The following SREK1IP1 variants were observed in gnomAD, a reference collection of about 807,000 sequenced individuals.
SREK1IP1 encodes protein SREK1IP1.
SREK1IP1 carries 12 observed loss-of-function variants against 22.8 expected under a neutral mutation model. That is an observed-to-expected ratio of 0.53 (90% CI 0.34 to 0.85). SREK1IP1 has a LOEUF of 0.85. Ranked by LOEUF, SREK1IP1 falls within the 40% of genes least tolerant of loss-of-function variation. SREK1IP1 has a pLI of 0.02. For synonymous variants in SREK1IP1, 53 were observed against 52.7 expected, an observed-to-expected ratio of 1.01 and a Z score of -0.02; for missense variants, 147 against 171.8, an observed-to-expected ratio of 0.86 and a Z score of 0.81.
At chr5:64,768,459 G>T in intron 1 of SREK1IP1, 46 bp downstream of exon 1, 4 of 1,613,766 alleles carry the variant, frequency 2.5e-6, no homozygotes, top group South Asian at 1.1e-5. Context: ...CCTCCCTTGC[G>T]CTCCCTTCGG....
At chr5:64,761,114 T>A (rs946282502) in intron 1 of SREK1IP1, among the ~76,000 whole-genome samples, 1 of 152,220 alleles carries the variant, frequency 6.6e-6, no homozygotes, top group Non-Finnish European at 1.5e-5. Flanking sequence ...TAATTCATGA[T>A]GTCAGAGTCT....
At position 64,721,405 on chromosome 5, in the gene SREK1IP1, A is replaced by T. The variant is rs1333854449; in HGVS notation, c.*2979T>A. ...TCAGCCTAGTTTACTCTGAAGGTAA[A>T]CTAGGGTTATATAATTTTAGATACA... On this transcript the variant is annotated 3_prime_UTR_variant, in exon 5 of 5. Transcript: ENST00000513458. 2 of 152,206 alleles carry T rather than the reference A, an allele frequency of 1.3e-5. No homozygotes were observed. The highest frequency in any genetic ancestry group is 2.9e-5 in the Non-Finnish European group (2 of 68,036). 9.4% of individuals were successfully genotyped at this position (152,206 alleles called of 1,614,324 possible). A position where few individuals can be genotyped will look rare whatever the true frequency, so the allele number is the denominator to read the frequency against.
rs1349829651 is a variant in SREK1IP1 at position 64,719,394 on chromosome 5, A to C, written c.*4990T>G. The C allele has an allele frequency of 1.3e-5, 2 of 152,208 alleles. No homozygotes were observed. The highest frequency in any genetic ancestry group is 4.8e-5 in the African/African-American group (2 of 41,444). 9.4% of individuals were successfully genotyped at this position (152,208 alleles called of 1,614,324 possible). A position where few individuals can be genotyped will look rare whatever the true frequency, so the allele number is the denominator to read the frequency against. ...TGAAAATTAAGACATTTCCATTATA[A>C]AAATGACATTTTACACGGCCATAAA... On this transcript the variant is annotated 3_prime_UTR_variant, in exon 5 of 5. Transcript: ENST00000513458.
At chr5:64,740,544 T>C (rs1014471539) in intron 3 of SREK1IP1, among the ~76,000 whole-genome samples, 13 of 152,220 alleles carry the variant, frequency 8.5e-5, no homozygotes, top group African/African-American at 2.7e-4. Context: ...GGGAGCTGTA[T>C]TGGCATGCCC....
At chr5:64,726,395 G>A (rs1218526643) in intron 4 of SREK1IP1, among the ~76,000 whole-genome samples, 4 of 151,660 alleles carry the variant, frequency 2.6e-5, no homozygotes, top group Non-Finnish European at 5.9e-5. Flanking sequence ...CTAACACGGT[G>A]AAACCCTGTC....
intron 1 of SREK1IP1, among the ~76,000 whole-genome samples, chr5:64,763,566 AG>A (rs200959695): frequency 0.011 from 1,613 of 152,136 alleles, 17 homozygotes; most frequent in Non-Finnish European, 0.016. Context: ...AAAAAAAAAT[AG>A]AAGAGACAGA....
rs1287587116 is a variant in SREK1IP1 at position 64,719,505 on chromosome 5, A to G, written c.*4879T>C. 6.6e-6 allele frequency: 1 copy of G among 152,202 alleles called. No homozygotes were observed. Among genetic ancestry groups the G allele is most frequent in the East Asian group, 1.9e-4 (1 of 5,188 alleles). The allele number at this position is 152,202 out of a possible 1,614,324, so 9.4% of individuals were successfully genotyped here. A position where few individuals can be genotyped will look rare whatever the true frequency, so the allele number is the denominator to read the frequency against. ...ATCTTTGATACAACTTTGATTTTAA[A>G]GTATCCCAGAAAATTTGCTATCTTT... On this transcript the variant is annotated 3_prime_UTR_variant, in exon 5 of 5. Coordinates refer to ENST00000513458, the MANE Select transcript of SREK1IP1 (RefSeq NM_173829.4).
intron 2 of SREK1IP1, among the ~76,000 whole-genome samples, chr5:64,747,596 TG>T (rs1276176175): frequency 6.6e-6 from 1 of 152,116 alleles, no homozygotes; most frequent in Non-Finnish European, 1.5e-5. Flanking sequence ...ATATTTCTAG[TG>T]GGAATGTAAA....
intron 3 of SREK1IP1, among the ~76,000 whole-genome samples, chr5:64,735,004 T>C (rs1308011648): frequency 6.7e-6 from 1 of 149,382 alleles, no homozygotes; most frequent in African/African-American, 2.6e-5. Context: ...TGGAAGGCCT[T>C]CAGTCTTTTA....
Position 64,743,726 on chromosome 5 carries a change from T to C in SREK1IP1, c.62-2526A>G, listed in dbSNP as rs529677129. Reference sequence around the variant, plus strand: ...TTTGCTATATATTTTGAGACATTAGTAAATGCTTTGAAGATCATTACTTTA... The same window carrying C: ...TTTGCTATATATTTTGAGACATTAGCAAATGCTTTGAAGATCATTACTTTA... On this transcript the variant is annotated intron_variant, in intron 2 of 4. Coordinates refer to ENST00000513458, the MANE Select transcript of SREK1IP1 (RefSeq NM_173829.4). 2.0e-5 allele frequency among the ~76,000 whole-genome samples: 3 copies of C among 152,342 alleles called. No homozygotes were observed. The South Asian group carries it at 6.2e-4, about 32-fold the overall frequency.
intron 2 of SREK1IP1, among the ~76,000 whole-genome samples, chr5:64,750,186 T>C (rs1186148053): frequency 6.6e-6 from 1 of 152,206 alleles, no homozygotes; most frequent in Non-Finnish European, 1.5e-5. Flanking sequence ...CTTGTTATCA[T>C]CTGCAACTGT....
At chr5:64,756,696 G>A (rs1742847581) in intron 1 of SREK1IP1, among the ~76,000 whole-genome samples, 1 of 151,478 alleles carries the variant, frequency 6.6e-6, no homozygotes, top group South Asian at 2.1e-4. Flanking sequence ...TGCGTATCTC[G>A]GCTCACTGCC....
intron 3 of SREK1IP1, among the ~76,000 whole-genome samples, chr5:64,735,040 G>T (rs970847315): frequency 7.9e-5 from 12 of 151,924 alleles, no homozygotes; most frequent in Non-Finnish European, 4.4e-5. Context: ...TAACATTTTG[G>T]TTTTTTATAG....
intron 1 of SREK1IP1, among the ~76,000 whole-genome samples, chr5:64,764,223 T>C (rs935648073): frequency 2.0e-5 from 3 of 152,194 alleles, no homozygotes; most frequent in South Asian, 2.1e-4. Context: ...CTGAGCTGCA[T>C]GCAGCCCATG....
At chr5:64,767,383 A>G (rs771752012) in intron 1 of SREK1IP1, among the ~76,000 whole-genome samples, 3 of 152,148 alleles carry the variant, frequency 2.0e-5, no homozygotes, top group Non-Finnish European at 4.4e-5. Flanking sequence ...AAGCGTAACC[A>G]TGTCTACCTT....
intron 1 of SREK1IP1, among the ~76,000 whole-genome samples, chr5:64,760,230 T>TA (rs1404403530): frequency 9.9e-5 from 15 of 152,086 alleles, no homozygotes; most frequent in South Asian, 8.3e-4. Context: ...GCCATTCGTA[T>TA]AAAAAAAAGA....
chr5:64,751,929 T>A (rs1742748435), intron 2 of SREK1IP1, among the ~76,000 whole-genome samples: 1 of 152,150 alleles, frequency 6.6e-6, no homozygotes, highest in Non-Finnish European at 1.5e-5. Context: ...TTGTTTTTAT[T>A]TCCTGCTGCT....
intron 3 of SREK1IP1, among the ~76,000 whole-genome samples, chr5:64,729,333 G>A (rs947915356): frequency 6.6e-6 from 1 of 152,180 alleles, no homozygotes; most frequent in Non-Finnish European, 1.5e-5. Flanking sequence ...AACAGCAAGG[G>A]TAGTGCATGT....
intron 3 of SREK1IP1, among the ~76,000 whole-genome samples, chr5:64,737,179 T>G (rs893781309): frequency 6.6e-6 from 1 of 152,064 alleles, no homozygotes; most frequent in African/African-American, 2.4e-5. Context: ...GAACAGAGCA[T>G]GTTAGGTGAC....
Sources: gnomAD v4.1 joint callset for allele counts (sites outside exome capture counted in the v4.1 genomes callset) on GRCh38, gnomAD v4.1.1 for gene constraint, MANE v1.5 for transcripts, NCBI Gene and HGNC (gene_info 2026-07-23, HGNC 2026-07-21) for gene names.